The following EPHA5 variants were observed in gnomAD, a reference collection of about 807,000 sequenced individuals.
EPHA5 encodes the protein ephrin type-A receptor 5.
Under a neutral mutation model 105.0 loss-of-function variants are expected in EPHA5, and 60 were observed. That is an observed-to-expected ratio of 0.57 (90% CI 0.46 to 0.71). The LOEUF is 0.71. Ranked by LOEUF, EPHA5 falls within the 30% of genes least tolerant of loss-of-function variation. The pLI is 0.00. For missense variants in EPHA5, 1,218 were observed against 1,274.7 expected (o/e 0.96, Z 0.68); for synonymous variants, 513 against 449.1 (o/e 1.14, Z -1.80).
Position 65,528,588 on chromosome 4 carries a change from C to T in EPHA5, c.911-33045G>A, listed in dbSNP as rs186160671. On this transcript the variant is annotated intron_variant, in intron 3 of 16. Coordinates refer to ENST00000613740, the MANE Select transcript of EPHA5 (RefSeq NM_001281766.3). ...TTCACGAATTTCCAAGAGGGAAATA[C>T]GTAGTTCAAGATATCCAGTGATTTG... 3.5e-3 allele frequency among the ~76,000 whole-genome samples: 528 copies of T among 152,204 alleles called. 5 individuals carry two copies. Among genetic ancestry groups the T allele is most frequent in the Non-Finnish European group, 5.1e-3 (348 of 68,006 alleles).
In EPHA5 at chr4:65,669,798, G is replaced by T. The variant is rs764094158; in HGVS notation, c.-56C>A. On this transcript the variant is annotated 5_prime_UTR_variant, in exon 1 of 17. Transcript: ENST00000613740. ...CCGAGCGGCTCAGTCCACCGCTTCG[G>T]CCTCGCAGAGCGGCGAAGGGAGACT... The T allele has an allele frequency of 3.2e-6, 4 of 1,234,732 alleles. No individual in the cohort carries two copies. The highest frequency in any genetic ancestry group is 4.0e-6 in the Non-Finnish European group (4 of 989,398). 76.5% of individuals were successfully genotyped at this position (1,234,732 alleles called of 1,614,324 possible). A position where few individuals can be genotyped will look rare whatever the true frequency, so the allele number is the denominator to read the frequency against.
At chr4:65,333,241 T>A (rs1264167736) in intron 15 of EPHA5, among the ~76,000 whole-genome samples, 1 of 151,758 alleles carries the variant, frequency 6.6e-6, no homozygotes, top group Non-Finnish European at 1.5e-5. Flanking sequence ...ATTGCAACTA[T>A]AAGAAAAAGG....
At chr4:65,389,495 G>A (rs1163685255) in intron 8 of EPHA5, among the ~76,000 whole-genome samples, 1 of 151,758 alleles carries the variant, frequency 6.6e-6, no homozygotes, top group African/African-American at 2.4e-5. Flanking sequence ...TAAACACTAA[G>A]GATATTAATA....
chr4:65,430,109 T>C (rs986361928), intron 5 of EPHA5, among the ~76,000 whole-genome samples: 5 of 152,082 alleles, frequency 3.3e-5, no homozygotes, highest in African/African-American at 1.2e-4. Context: ...TTTTAGTGAA[T>C]GAAACCACAT....
chr4:65,430,658 T>C (rs1252712277), intron 5 of EPHA5, among the ~76,000 whole-genome samples: 1 of 152,088 alleles, frequency 6.6e-6, no homozygotes. Flanking sequence ...AAGTTAATTA[T>C]CCAAGTTCAC....
chr4:65,541,925 G>C (rs551912125), intron 3 of EPHA5, among the ~76,000 whole-genome samples: 1 of 152,052 alleles, frequency 6.6e-6, no homozygotes, highest in African/African-American at 2.4e-5. Flanking sequence ...TTAGAGTTCA[G>C]GGTTAAGAAA....
At chr4:65,480,785 G>C (rs1730280298) in intron 5 of EPHA5, among the ~76,000 whole-genome samples, 1 of 152,016 alleles carries the variant, frequency 6.6e-6, no homozygotes, top group Non-Finnish European at 1.5e-5. Context: ...ATGAGTCTAT[G>C]AGCCACTTCA....
intron 5 of EPHA5, among the ~76,000 whole-genome samples, chr4:65,426,908 AT>A (rs1724494066): frequency 6.6e-6 from 1 of 152,140 alleles, no homozygotes; most frequent in Non-Finnish European, 1.5e-5. Flanking sequence ...TTGAATATGT[AT>A]CTGACTTACA....
At chr4:65,576,419 A>G (rs1368973028) in intron 3 of EPHA5, among the ~76,000 whole-genome samples, 2 of 152,236 alleles carry the variant, frequency 1.3e-5, no homozygotes, top group Non-Finnish European at 2.9e-5. Context: ...GGTTCATCCA[A>G]TATATTGGGC....
At chr4:65,528,225 G>A (rs903565478) in intron 3 of EPHA5, among the ~76,000 whole-genome samples, 22 of 151,992 alleles carry the variant, frequency 1.4e-4, no homozygotes, top group African/African-American at 5.1e-4. Flanking sequence ...ATCACACGTC[G>A]GCAAAACCAT....
intron 5 of EPHA5, among the ~76,000 whole-genome samples, chr4:65,446,886 G>A (rs1726588248): frequency 6.6e-6 from 1 of 151,400 alleles, no homozygotes; most frequent in Non-Finnish European, 1.5e-5. Flanking sequence ...ATATTAAAGA[G>A]TTTGAATAAT....
intron 5 of EPHA5, among the ~76,000 whole-genome samples, chr4:65,454,109 C>T (rs983087668): frequency 5.3e-5 from 8 of 151,960 alleles, no homozygotes; most frequent in Non-Finnish European, 1.5e-5. Context: ...GGAAAAACCC[C>T]GTCTCTACTA....
At chr4:65,557,033 G>A (rs924687164) in intron 3 of EPHA5, among the ~76,000 whole-genome samples, 1 of 151,532 alleles carries the variant, frequency 6.6e-6, no homozygotes, top group African/African-American at 2.4e-5. Context: ...CTCACTTTCT[G>A]TAGTTTCTTC....
chr4:65,665,910 C>T (rs1017903427), intron 1 of EPHA5, among the ~76,000 whole-genome samples: 2 of 152,076 alleles, frequency 1.3e-5, no homozygotes, highest in African/African-American at 4.8e-5. Flanking sequence ...TCAGTAATGT[C>T]CTGGTGAGGA....
At chr4:65,393,719 G>A (rs1476731755) in intron 8 of EPHA5, among the ~76,000 whole-genome samples, 1 of 152,032 alleles carries the variant, frequency 6.6e-6, no homozygotes, top group Non-Finnish European at 1.5e-5. Flanking sequence ...TTAATATCTG[G>A]GAACTTTTCA....
chr4:65,507,348 A>C (rs1733144193), intron 3 of EPHA5, among the ~76,000 whole-genome samples: 1 of 152,030 alleles, frequency 6.6e-6, no homozygotes. Flanking sequence ...TTGGCAATGC[A>C]GGCTCTTTTT....
chr4:65,455,392 C>T (rs1035160009), intron 5 of EPHA5, among the ~76,000 whole-genome samples: 1 of 152,124 alleles, frequency 6.6e-6, no homozygotes, highest in Non-Finnish European at 1.5e-5. Context: ...GACATCAGGC[C>T]TGTCCTTTCT....
At chr4:65,586,615 G>T (rs1263354283) in intron 3 of EPHA5, among the ~76,000 whole-genome samples, 1 of 151,032 alleles carries the variant, frequency 6.6e-6, no homozygotes, top group East Asian at 1.9e-4. Context: ...CTAAAATGTG[G>T]TATATTCTAA....
At chr4:65,526,933 C>G (rs187858886) in intron 3 of EPHA5, among the ~76,000 whole-genome samples, 396 of 152,048 alleles carry the variant, frequency 2.6e-3, no homozygotes, top group African/African-American at 9.0e-3. Flanking sequence ...ATAAAAAAAT[C>G]TAATGCTACT....
Sources: gnomAD v4.1 joint callset for allele counts (sites outside exome capture counted in the v4.1 genomes callset) on GRCh38, gnomAD v4.1.1 for gene constraint, MANE v1.5 for transcripts, NCBI Gene and HGNC (gene_info 2026-07-23, HGNC 2026-07-21) for gene names.